JAK2: variants seen among roughly 807,000 people sequenced by gnomAD.
JAK2 encodes tyrosine-protein kinase JAK2.
JAK2 carries 86 observed loss-of-function variants against 139.3 expected under a neutral mutation model. The observed-to-expected ratio is 0.62, with a 90% confidence interval of 0.52 to 0.74. The LOEUF (loss-of-function observed/expected upper bound fraction) is 0.74. Ranked by LOEUF, JAK2 falls within the 30% of genes least tolerant of loss-of-function variation. The pLI is 0.00. For synonymous variants in JAK2, 490 were observed against 437.7 expected (o/e 1.12, Z -1.49); for missense variants, 1,421 against 1,360.3 (o/e 1.04, Z -0.70).
chr9:5,027,230 G>A (rs555342792), intron 3 of JAK2, among the ~76,000 whole-genome samples: 1 of 152,162 alleles, frequency 6.6e-6, no homozygotes, highest in Non-Finnish European at 1.5e-5. Context: ...TTGTGGGTTT[G>A]GTTCCAGACT....
chr9:5,090,936 T>C (rs1481394442), intron 22 of JAK2, 25 bp downstream of exon 22: 3 of 1,481,128 alleles, frequency 2.0e-6, no homozygotes, highest in Middle Eastern at 2.1e-4. Context: ...GTATGATAAA[T>C]GAAATTTTAG....
chr9:5,067,994 T>C (rs1818684293), intron 10 of JAK2, among the ~76,000 whole-genome samples: 2 of 151,988 alleles, frequency 1.3e-5, no homozygotes, highest in African/African-American at 4.8e-5. Flanking sequence ...ACCCTGTCTC[T>C]ACCAAAATTA....
At chr9:5,031,035 A>G (rs561888114) in intron 4 of JAK2, among the ~76,000 whole-genome samples, 1 of 152,290 alleles carries the variant, frequency 6.6e-6, no homozygotes, top group African/African-American at 2.4e-5. Flanking sequence ...TCTTAATAAG[A>G]AAAAACAGAA....
rs1823992887 is a variant in JAK2 at position 5,126,321 on chromosome 9, G to A, written c.3178-12G>A. 1.9e-6 allele frequency: 3 copies of A among 1,545,046 alleles called. No homozygotes were observed. Among genetic ancestry groups the A allele is most frequent in the African/African-American group, 2.8e-5 (2 of 72,420 alleles). On this transcript the variant is annotated splice_polypyrimidine_tract_variant and intron_variant, in intron 23 of 24. Transcript: ENST00000381652. ...AAATGTACAAAAAATATTGAAAGTG[G>A]GTTTGTTTTAGGAATTTATGCGTAT...
chr9:4,992,664 G>A (rs986372323), intron 2 of JAK2, among the ~76,000 whole-genome samples: 2 of 152,120 alleles, frequency 1.3e-5, no homozygotes, highest in Non-Finnish European at 2.9e-5. Context: ...GTACAGAATA[G>A]TTTTCTTGGG....
intron 4 of JAK2, 83 bp downstream of exon 4, chr9:5,029,989 C>G (rs1346368234): frequency 1.6e-6 from 2 of 1,227,494 alleles, no homozygotes; most frequent in African/African-American, 1.5e-5. Flanking sequence ...TTGCAAGGTA[C>G]TTAATACCAG....
intron 4 of JAK2, among the ~76,000 whole-genome samples, chr9:5,036,791 C>G (rs1264941024): frequency 6.6e-6 from 1 of 152,166 alleles, no homozygotes; most frequent in Non-Finnish European, 1.5e-5. Context: ...CCATTCAGGA[C>G]ATAAGCATGG....
At chr9:5,063,751 C>T (rs1433438152) in intron 8 of JAK2, among the ~76,000 whole-genome samples, 4 of 152,038 alleles carry the variant, frequency 2.6e-5, no homozygotes, top group Non-Finnish European at 2.9e-5. Context: ...ACAAATGGGG[C>T]TTTTTTCATT....
chr9:5,025,499 T>G (rs1448153190), intron 3 of JAK2, among the ~76,000 whole-genome samples: 1 of 151,988 alleles, frequency 6.6e-6, no homozygotes, highest in African/African-American at 2.4e-5. Context: ...TCCTTCTTTC[T>G]TTTCTTCTTC....
At chr9:5,114,192 A>G (rs894610689) in intron 22 of JAK2, 20 of 467,164 alleles carry the variant, frequency 4.3e-5, no homozygotes, top group Middle Eastern at 3.6e-4. Flanking sequence ...AGGGGTGAGC[A>G]CCTACCTGAG....
chr9:5,096,951 C>T (rs951056192), intron 22 of JAK2: 3 of 152,074 alleles, frequency 2.0e-5, no homozygotes, highest in Admixed American at 1.3e-4. Context: ...GGCATTTCCA[C>T]GGATAAATAA....
intron 4 of JAK2, among the ~76,000 whole-genome samples, chr9:5,037,611 A>T (rs929222035): frequency 6.6e-6 from 1 of 152,226 alleles, no homozygotes; most frequent in Non-Finnish European, 1.5e-5. Flanking sequence ...GCAAGGACAA[A>T]AAACCAAACA....
chr9:5,033,960 G>A (rs1222452136), intron 4 of JAK2, among the ~76,000 whole-genome samples: 2 of 152,252 alleles, frequency 1.3e-5, no homozygotes, highest in East Asian at 1.9e-4. Context: ...TGGATAAAGA[G>A]TCAAGACCCA....
intron 19 of JAK2, chr9:5,084,987 A>G (rs1819966465): frequency 2.5e-6 from 2 of 812,744 alleles, no homozygotes; most frequent in African/African-American, 3.4e-5. Context: ...AAAGAACAGA[A>G]AGAGTTGTCA....
At chr9:5,036,928 C>T (rs1000982445) in intron 4 of JAK2, among the ~76,000 whole-genome samples, 2 of 152,180 alleles carry the variant, frequency 1.3e-5, no homozygotes, top group Non-Finnish European at 2.9e-5. Flanking sequence ...AACAGGCAAC[C>T]TACAGAATGG....
intron 2 of JAK2, among the ~76,000 whole-genome samples, chr9:5,005,397 C>G (rs912710484): frequency 1.3e-5 from 2 of 151,850 alleles, no homozygotes; most frequent in Non-Finnish European, 1.5e-5. Flanking sequence ...ATATTTTCTC[C>G]TGTTTTATAG....
chr9:5,051,726 G>A lies in JAK2; in HGVS notation c.614+895G>A, dbSNP rs556483816. On this transcript the variant is annotated intron_variant, in intron 6 of 24. Coordinates refer to ENST00000381652, the MANE Select transcript of JAK2 (RefSeq NM_004972.4). ...GATTAAAAATTTGAGTACATCATGA[G>A]TGTGGTTAAAGCTTCCTTTTTTGAA... Among the ~76,000 whole-genome samples, 46 of 152,138 alleles carry A rather than the reference G, an allele frequency of 3.0e-4. 1 individual carries two copies. Among genetic ancestry groups the A allele is most frequent in the Non-Finnish European group, 5.6e-4 (38 of 67,992 alleles).
intron 2 of JAK2, among the ~76,000 whole-genome samples, chr9:4,995,237 T>G (rs571643123): frequency 4.6e-5 from 7 of 152,368 alleles, no homozygotes; most frequent in Middle Eastern, 3.4e-3. Context: ...CCTTTTACTT[T>G]GCTTTGTGGG....
At chr9:5,043,765 A>G (rs879365410) in intron 4 of JAK2, among the ~76,000 whole-genome samples, 2 of 152,268 alleles carry the variant, frequency 1.3e-5, no homozygotes. Flanking sequence ...TAATTTGGCA[A>G]TAAAAGGAAA....
Sources: gnomAD v4.1 joint callset for allele counts (sites outside exome capture counted in the v4.1 genomes callset) on GRCh38, gnomAD v4.1.1 for gene constraint, MANE v1.5 for transcripts, NCBI Gene and HGNC (gene_info 2026-07-23, HGNC 2026-07-21) for gene names.